The following RAI14 variants were observed in gnomAD, a reference collection of about 807,000 sequenced individuals.
The protein encoded by RAI14 is retinoic acid induced 14, also known as ankycorbin.
In RAI14, 45 loss-of-function variants were observed where a neutral mutation model predicts 115.4. The observed-to-expected ratio is 0.39, with a 90% confidence interval of 0.31 to 0.50. The LOEUF (loss-of-function observed/expected upper bound fraction) is 0.50, where lower values mean the gene tolerates loss of function less well. Among genes scored for constraint, RAI14 ranks in the 20% least tolerant of loss-of-function variants. The pLI is 0.85. For synonymous variants in RAI14, 371 were observed against 415.4 expected (o/e 0.89, Z 1.30); for missense variants, 939 against 1,131.2 (o/e 0.83, Z 2.44).
chr5:34,729,988 A>C (rs962555160), intron 2 of RAI14, among the ~76,000 whole-genome samples: 2 of 152,192 alleles, frequency 1.3e-5, no homozygotes, highest in African/African-American at 4.8e-5. Context: ...ACACATACTG[A>C]AATATTTATT....
intron 2 of RAI14, among the ~76,000 whole-genome samples, chr5:34,700,844 A>G (rs750044598): frequency 6.6e-6 from 1 of 152,242 alleles, no homozygotes; most frequent in South Asian, 2.1e-4. Flanking sequence ...ACCACACTAA[A>G]GAGCCACAGT....
chr5:34,775,059 C>T (rs1250993030), intron 3 of RAI14, among the ~76,000 whole-genome samples: 5 of 152,108 alleles, frequency 3.3e-5, no homozygotes, highest in African/African-American at 1.2e-4. Context: ...AAAACTGGAT[C>T]TCCATATATA....
chr5:34,765,179 C>T (rs145032848), intron 3 of RAI14, among the ~76,000 whole-genome samples: 656 of 152,266 alleles, frequency 4.3e-3, no homozygotes, highest in Non-Finnish European at 7.1e-3. Flanking sequence ...TCTTTATCAG[C>T]AGCATGAAAA....
intron 2 of RAI14, among the ~76,000 whole-genome samples, chr5:34,756,022 T>C (rs1747830471): frequency 6.6e-6 from 1 of 152,180 alleles, no homozygotes; most frequent in African/African-American, 2.4e-5. Context: ...ACTGTGCACC[T>C]GCACTCAGTG....
chr5:34,760,051 G>A (rs1046820087), intron 3 of RAI14, among the ~76,000 whole-genome samples: 17 of 152,034 alleles, frequency 1.1e-4, no homozygotes, highest in Admixed American at 5.2e-4. Context: ...TCACCAGGCC[G>A]GAGTGCAGTA....
chr5:34,785,764 C>T lies in RAI14; in HGVS notation c.168-10175C>T, dbSNP rs562515867. Among the ~76,000 whole-genome samples the T allele has an allele frequency of 1.8e-4, 28 of 152,280 alleles. 1 individual carries two copies. The South Asian group carries it at 5.2e-3, about 28-fold the overall frequency. ...ATTTGTGCTTCCAAATCCTCCTGTTCGTTTAATTTCACTTTTCCCCATTCC... is the reference window on the plus strand; with the variant it reads ...ATTTGTGCTTCCAAATCCTCCTGTTTGTTTAATTTCACTTTTCCCCATTCC... On this transcript the variant is annotated intron_variant, in intron 3 of 17. Coordinates refer to ENST00000265109, the MANE Select transcript of RAI14 (RefSeq NM_015577.3).
intron 1 of RAI14, among the ~76,000 whole-genome samples, chr5:34,673,005 A>G (rs770342405): frequency 1.6e-4 from 24 of 152,044 alleles, no homozygotes; most frequent in Non-Finnish European, 2.8e-4. Context: ...GTCCCAGGAG[A>G]GCAGAGAAGA....
Position 34,772,535 on chromosome 5 carries a change from G to C in RAI14, c.167+14937G>C, listed in dbSNP as rs1750298561. 2.0e-5 allele frequency among the ~76,000 whole-genome samples: 3 copies of C among 152,162 alleles called. 1 individual carries two copies. The South Asian group carries it at 6.2e-4, about 32-fold the overall frequency. On this transcript the variant is annotated intron_variant, in intron 3 of 17. Transcript: ENST00000265109. ...TGAGTTAAAACTTAAGATGTTCCTA[G>C]AGTGTAATGTTTCCATAGAGTACCT...
intron 2 of RAI14, among the ~76,000 whole-genome samples, chr5:34,703,891 G>T (rs1740374431): frequency 6.6e-6 from 1 of 152,166 alleles, no homozygotes; most frequent in African/African-American, 2.4e-5. Context: ...CCTTTAATGT[G>T]ATGGTTCTTT....
chr5:34,734,985 A>G (rs1744683136), intron 2 of RAI14, among the ~76,000 whole-genome samples: 1 of 152,170 alleles, frequency 6.6e-6, no homozygotes, highest in Admixed American at 6.5e-5. Flanking sequence ...AAGTCACACT[A>G]TACTACACAG....
chr5:34,764,911 G>A (rs1749150799), intron 3 of RAI14, among the ~76,000 whole-genome samples: 1 of 152,172 alleles, frequency 6.6e-6, no homozygotes, highest in Non-Finnish European at 1.5e-5. Flanking sequence ...TAATTCCCAT[G>A]TGTTGTGGGA....
intron 3 of RAI14, among the ~76,000 whole-genome samples, chr5:34,762,155 A>G (rs1420210969): frequency 1.3e-5 from 2 of 152,200 alleles, no homozygotes; most frequent in Admixed American, 6.5e-5. Context: ...TGGAGAAAAC[A>G]TTCTTTTTTT....
chr5:34,743,821 TA>T (rs1391805712), intron 2 of RAI14, among the ~76,000 whole-genome samples: 1 of 152,148 alleles, frequency 6.6e-6, no homozygotes, highest in Non-Finnish European at 1.5e-5. Flanking sequence ...GCAGAGAAAA[TA>T]CAGATTAATT....
At chr5:34,663,984 T>G (rs1561219537) in intron 1 of RAI14, among the ~76,000 whole-genome samples, 2 of 152,072 alleles carry the variant, frequency 1.3e-5, no homozygotes, top group Non-Finnish European at 2.9e-5. Context: ...TCACTGGAAA[T>G]TAGTCTTGCC....
At chr5:34,815,037 A>C (rs550728779) in intron 12 of RAI14, among the ~76,000 whole-genome samples, 1 of 152,272 alleles carries the variant, frequency 6.6e-6, no homozygotes, top group African/African-American at 2.4e-5. Flanking sequence ...ACCTGAGGTC[A>C]GGAGTTCAAG....
At chr5:34,756,802 T>G (rs992755982) in intron 2 of RAI14, among the ~76,000 whole-genome samples, 10 of 152,238 alleles carry the variant, frequency 6.6e-5, no homozygotes, top group Admixed American at 5.9e-4. Context: ...TTACTGTTAC[T>G]GTGGTTTGCA....
chr5:34,768,646 T>C (rs903980135), intron 3 of RAI14, among the ~76,000 whole-genome samples: 1 of 152,152 alleles, frequency 6.6e-6, no homozygotes, highest in African/African-American at 2.4e-5. Flanking sequence ...TTCCAGACTA[T>C]CCTTATGAAG....
intron 2 of RAI14, among the ~76,000 whole-genome samples, chr5:34,748,667 C>T (rs908543465): frequency 6.6e-6 from 1 of 151,998 alleles, no homozygotes; most frequent in African/African-American, 2.4e-5. Context: ...CGTATTTGAT[C>T]TCTGCAACTA....
intron 3 of RAI14, among the ~76,000 whole-genome samples, chr5:34,782,029 AG>A (rs1345761539): frequency 6.6e-6 from 1 of 152,240 alleles, no homozygotes. Flanking sequence ...TATGTGCAGC[AG>A]GAATATGTCC....
Sources: allele counts gnomAD v4.1 joint callset (sites outside exome capture counted in the v4.1 genomes callset), GRCh38; gene constraint gnomAD v4.1.1; transcripts MANE v1.5; gene names NCBI Gene and HGNC (gene_info 2026-07-23, HGNC 2026-07-21).